Variants in ZRANB3 observed in about 807,000 individuals in gnomAD.
ZRANB3 encodes the protein DNA annealing helicase and endonuclease ZRANB3.
ZRANB3 carries 125 observed loss-of-function variants against 133.8 expected under a neutral mutation model. That is an observed-to-expected ratio of 0.93 (90% CI 0.81 to 1.08). ZRANB3 has a LOEUF of 1.08. Ranked by LOEUF, ZRANB3 falls within the 50% of genes least tolerant of loss-of-function variation. ZRANB3 has a pLI of 0.00. For synonymous variants in ZRANB3, 387 were observed against 432.7 expected (o/e 0.89, Z 1.31); for missense variants, 1,229 against 1,275.5 (o/e 0.96, Z 0.56).
intron 2 of ZRANB3, among the ~76,000 whole-genome samples, chr2:135,449,588 C>T (rs182941448): frequency 1.9e-4 from 29 of 152,142 alleles, no homozygotes; most frequent in Non-Finnish European, 3.7e-4. Context: ...CCACTACACT[C>T]CAGCTTGGGT....
intron 1 of ZRANB3, among the ~76,000 whole-genome samples, chr2:135,508,328 G>A (rs930833444): frequency 6.6e-6 from 1 of 151,992 alleles, no homozygotes. Flanking sequence ...TAGTAGAGAC[G>A]GGGTTTCACC....
Position 135,227,949 on chromosome 2 carries a change from G to A in ZRANB3, c.2021C>T (p.Thr674Ile), listed in dbSNP as rs769096270. ...TGAGATAGTTTGAACCTTTTTGGAG[G>A]TGTCTTTCTGAGAATCATCCTTCTC... The part of the protein sequence containing the change: ...KNEKDDSQKD[T>I]SKKVQTISDC... The change falls in exon 14 of 21, where the codon ACC becomes ATC. Residue 674 changes from threonine (T) to isoleucine (I), a missense_variant. Transcript: ENST00000264159. 6.9e-5 allele frequency: 107 copies of A among 1,552,534 alleles called. No homozygotes were observed. The highest frequency in any genetic ancestry group is 8.6e-5 in the Non-Finnish European group (99 of 1,147,270).
chr2:135,479,127 G>A (rs1691643510), intron 2 of ZRANB3, among the ~76,000 whole-genome samples: 1 of 150,402 alleles, frequency 6.6e-6, no homozygotes, highest in Non-Finnish European at 1.5e-5. Flanking sequence ...TTTTAATGCA[G>A]TCATTCTGGT....
intron 1 of ZRANB3, among the ~76,000 whole-genome samples, chr2:135,507,978 G>T (rs990298268): frequency 7.6e-6 from 1 of 131,788 alleles, no homozygotes; most frequent in Non-Finnish European, 1.5e-5. Flanking sequence ...GGAAAGAAAA[G>T]AGAGAGAGAG....
chr2:135,264,454 G>C (rs1429357773), intron 12 of ZRANB3, among the ~76,000 whole-genome samples: 1 of 142,576 alleles, frequency 7.0e-6, no homozygotes, highest in East Asian at 2.1e-4. Context: ...CAGGGCAATA[G>C]TGCAAGACTC....
intron 8 of ZRANB3, among the ~76,000 whole-genome samples, chr2:135,294,018 T>C (rs1428533370): frequency 6.6e-6 from 1 of 152,208 alleles, no homozygotes; most frequent in East Asian, 1.9e-4. Flanking sequence ...TTGAGGATTT[T>C]TGCATCAGTG....
At chr2:135,494,789 A>C (rs1418902527) in intron 2 of ZRANB3, among the ~76,000 whole-genome samples, 2 of 152,192 alleles carry the variant, frequency 1.3e-5, no homozygotes, top group African/African-American at 4.8e-5. Flanking sequence ...CAGTGTCATG[A>C]AAGGGTAAGG....
At chr2:135,455,757 A>C (rs766351214) in intron 2 of ZRANB3, among the ~76,000 whole-genome samples, 1 of 149,744 alleles carries the variant, frequency 6.7e-6, no homozygotes, top group African/African-American at 2.5e-5. Context: ...ACACCCAGCT[A>C]ATTTCTTTTT....
At chr2:135,287,517 G>A (rs1411300642) in intron 8 of ZRANB3, among the ~76,000 whole-genome samples, 1 of 152,116 alleles carries the variant, frequency 6.6e-6, no homozygotes, top group Non-Finnish European at 1.5e-5. Flanking sequence ...TTGGCCATAT[G>A]GTTATTTTCA....
intron 2 of ZRANB3, among the ~76,000 whole-genome samples, chr2:135,496,384 TAAAAAAAAAAAA>T (rs56770947): frequency 0.16 from 5,382 of 33,346 alleles, 443 homozygotes; most frequent in African/African-American, 0.35. Flanking sequence ...AACTCCATCT[TAAAAAAAAAAAA>T]AAAAAAAAAA....
At chr2:135,460,055 G>GTTTA (rs1690695439) in intron 2 of ZRANB3, among the ~76,000 whole-genome samples, 1 of 152,076 alleles carries the variant, frequency 6.6e-6, no homozygotes, top group Non-Finnish European at 1.5e-5. Context: ...ATTCAAGGGT[G>GTTTA]TAAAGGTGGT....
chr2:135,318,212 TTGTGTGTGTGTGTGTGTGTGTGTGTG>T lies in ZRANB3; in HGVS notation c.678-2708_678-2683del, dbSNP rs58455313. Among the ~76,000 whole-genome samples, 3 of 136,886 alleles carry T rather than the reference TTGTGTGTGTGTGTGTGTGTGTGTGTG, an allele frequency of 2.2e-5. No individual in the cohort carries two copies. In the East Asian group the frequency reaches 6.4e-4, roughly 29 times the overall value. 89.8% of individuals were successfully genotyped at this position (136,886 alleles called of 152,430 possible). On this transcript the variant is annotated intron_variant, in intron 6 of 20. Transcript: ENST00000264159. ...TTTCCTATGCTATTTACACACTATT[TTGTGTGTGTGTGTGTGTGTGTGTGTG>T]TGTGTGTGTGTGTGTGTGTGTATTG... is the stretch of plus-strand genomic sequence containing the variant.
chr2:135,322,190 G>A (rs1255319349), intron 6 of ZRANB3, among the ~76,000 whole-genome samples: 1 of 151,922 alleles, frequency 6.6e-6, no homozygotes. Context: ...CACATATATG[G>A]GTCTATTTCT....
intron 6 of ZRANB3, among the ~76,000 whole-genome samples, chr2:135,333,297 T>TC (rs1308061421): frequency 2.0e-5 from 3 of 152,188 alleles, no homozygotes; most frequent in African/African-American, 4.8e-5. Flanking sequence ...AAGTACAGTA[T>TC]ATTTCCAATG....
intron 2 of ZRANB3, among the ~76,000 whole-genome samples, chr2:135,433,904 G>A (rs913924193): frequency 1.3e-5 from 2 of 152,236 alleles, no homozygotes; most frequent in Non-Finnish European, 2.9e-5. Context: ...GGCTGAGGCA[G>A]GGGAATTGCT....
At chr2:135,427,572 A>G (rs1465596371) in intron 2 of ZRANB3, among the ~76,000 whole-genome samples, 2 of 152,168 alleles carry the variant, frequency 1.3e-5, no homozygotes, top group Non-Finnish European at 2.9e-5. Context: ...AAATGGAAAA[A>G]CGTTCCATGC....
chr2:135,510,255 T>C (rs1693390025), intron 1 of ZRANB3, among the ~76,000 whole-genome samples: 1 of 152,184 alleles, frequency 6.6e-6, no homozygotes, highest in Non-Finnish European at 1.5e-5. Context: ...ATCCAGTCTG[T>C]ACATGCAAAA....
chr2:135,291,048 G>A (rs1056071605), intron 8 of ZRANB3, among the ~76,000 whole-genome samples: 10 of 152,106 alleles, frequency 6.6e-5, no homozygotes, highest in Non-Finnish European at 8.8e-5. Context: ...TTTTACTAGA[G>A]ATGGGGTTTC....
chr2:135,304,292 C>A (rs1682577793), intron 8 of ZRANB3, among the ~76,000 whole-genome samples: 1 of 152,076 alleles, frequency 6.6e-6, no homozygotes, highest in South Asian at 2.1e-4. Flanking sequence ...GATTTGTTGA[C>A]AGGTTTTGTC....
Sources: allele counts gnomAD v4.1 joint callset (sites outside exome capture counted in the v4.1 genomes callset), GRCh38; gene constraint gnomAD v4.1.1; transcripts MANE v1.5; gene names NCBI Gene and HGNC (gene_info 2026-07-23, HGNC 2026-07-21).